PIK3CG: variants seen among roughly 807,000 people sequenced by gnomAD.
PIK3CG encodes phosphatidylinositol-4,5-bisphosphate 3-kinase catalytic subunit gamma, also known as phosphatidylinositol 4,5-bisphosphate 3-kinase catalytic subunit gamma isoform.
Under a neutral mutation model 102.3 loss-of-function variants are expected in PIK3CG, and 55 were observed. The observed-to-expected ratio is 0.54, with a 90% CI of 0.43 to 0.67. PIK3CG has a LOEUF of 0.67. Ranked by LOEUF, PIK3CG falls within the 30% of genes least tolerant of loss-of-function variation. The pLI, the probability that PIK3CG is intolerant of heterozygous loss-of-function variation, is 0.00. For synonymous variants in PIK3CG, 552 were observed against 540.0 expected (o/e 1.02, Z -0.31); for missense variants, 1,258 against 1,391.8 (o/e 0.90, Z 1.53).
chr7:106,899,138 G>A lies in PIK3CG; in HGVS notation c.3031-5971G>A, dbSNP rs546912260. Among the ~76,000 whole-genome samples, 7 of 152,200 alleles carry A rather than the reference G, an allele frequency of 4.6e-5. No individual in the cohort carries two copies. In the South Asian group the frequency reaches 1.5e-3, roughly 32 times the overall value. Reference sequence around the variant, plus strand: ...TTCTTTTTGTGGCAATTGTGAACGGGATTGCCTTTCTGATTTGGCTCTTGG... The same window carrying A: ...TTCTTTTTGTGGCAATTGTGAACGGAATTGCCTTTCTGATTTGGCTCTTGG... On this transcript the variant is annotated intron_variant, in intron 10 of 10. Transcript: ENST00000496166. The surrounding 1 kb of genome is among the most constrained non-coding windows in gnomAD (Gnocchi z 4.6).
At position 106,867,729 on chromosome 7, in the gene PIK3CG, G is replaced by T. The variant is rs766880450; in HGVS notation, c.168G>T (p.Thr56=). 6.2e-7 allele frequency: 1 copy of T among 1,613,094 alleles called. No homozygotes were observed. The highest frequency in any genetic ancestry group is 1.1e-5 in the South Asian group (1 of 91,058). Reference sequence around the variant, plus strand: ...AGCGCAAATGCAAGAGCCCCGAAACGGCGCTGCTGCACGTGGCCGGCCACG... The same window carrying T: ...AGCGCAAATGCAAGAGCCCCGAAACTGCGCTGCTGCACGTGGCCGGCCACG... The part of the protein sequence containing the change: ...TSQRKCKSPE[T]ALLHVAGHGN... The change falls in exon 2 of 11, where the codon ACG becomes ACT. Residue 56 remains threonine, a synonymous_variant. Coordinates refer to ENST00000496166, the MANE Select transcript of PIK3CG (RefSeq NM_001282426.2). This position sits in a 1 kb window ranked among gnomAD's most constrained non-coding sequence, Gnocchi z 5.1.
Position 106,907,838 on chromosome 7 carries a change from GTATATATAT to G in PIK3CG, c.*2452_*2460del, listed in dbSNP as rs1791730301. On this transcript the variant is annotated 3_prime_UTR_variant, in exon 11 of 11. Coordinates refer to ENST00000496166, the MANE Select transcript of PIK3CG (RefSeq NM_001282426.2). ...TATATATATATATGTATGTGTGTGT[GTATATATAT>G]ATATATATATCACAGTTGGGCTTGA... 7.4e-6 allele frequency among the ~76,000 whole-genome samples: 1 copy of G among 135,290 alleles called. No individual in the cohort carries two copies. The highest frequency in any genetic ancestry group is 1.6e-5 in the Non-Finnish European group (1 of 61,486). 88.8% of individuals were successfully genotyped at this position (135,290 alleles called of 152,430 possible).
At chr7:106,870,456 A>C (rs1741173988) in intron 2 of PIK3CG, among the ~76,000 whole-genome samples, 1 of 152,240 alleles carries the variant, frequency 6.6e-6, no homozygotes, top group Admixed American at 6.5e-5. Flanking sequence ...TTTAGAGCAC[A>C]GCCTTCATTC....
At position 106,884,505 on chromosome 7, in the gene PIK3CG, T is replaced by C. The variant is rs1791029267; in HGVS notation, c.2872+239T>C. Among the ~76,000 whole-genome samples, 1 of 152,160 alleles carries C rather than the reference T, an allele frequency of 6.6e-6. No homozygotes were observed. The highest frequency in any genetic ancestry group is 1.5e-5 in the Non-Finnish European group (1 of 68,022). On this transcript the variant is annotated intron_variant, in intron 9 of 10. Coordinates refer to ENST00000496166, the MANE Select transcript of PIK3CG (RefSeq NM_001282426.2). The surrounding 1 kb of genome is among the most constrained non-coding windows in gnomAD (Gnocchi z 4.2). ...TCCCTCCTTTCAGAACGGAGTAGTCTTTAAATGGAGTTTAAGACTGGAGCA... is the reference window on the plus strand; with the variant it reads ...TCCCTCCTTTCAGAACGGAGTAGTCCTTAAATGGAGTTTAAGACTGGAGCA...
At position 106,872,435 on chromosome 7, in the gene PIK3CG, G is replaced by A. The variant is rs1193514466; in HGVS notation, c.1996-102G>A. On this transcript the variant is annotated intron_variant, in intron 2 of 10. Coordinates refer to ENST00000496166, the MANE Select transcript of PIK3CG (RefSeq NM_001282426.2). This position sits in a 1 kb window ranked among gnomAD's most constrained non-coding sequence, Gnocchi z 5.3. Reference sequence around the variant, plus strand: ...TTAAGATTTTCATCTTTCTAGCCGTGAAGACCCAGTAAAGCAGAGCACCAG... The same window carrying A: ...TTAAGATTTTCATCTTTCTAGCCGTAAAGACCCAGTAAAGCAGAGCACCAG... The A allele has an allele frequency of 1.1e-6, 1 of 891,714 alleles. No homozygotes were observed. The highest frequency in any genetic ancestry group is 1.8e-6 in the Non-Finnish European group (1 of 543,530). 55.2% of individuals were successfully genotyped at this position (891,714 alleles called of 1,614,324 possible).
rs1193081174 is a variant in PIK3CG at position 106,869,669 on chromosome 7, C to T, written c.1995+113C>T. 1.4e-5 allele frequency: 12 copies of T among 854,908 alleles called. No individual in the cohort carries two copies. The highest frequency in any genetic ancestry group is 3.4e-5 in the African/African-American group (2 of 58,404). The allele number at this position is 854,908 out of a possible 1,614,324, so 53.0% of individuals were successfully genotyped here. The stretch of plus-strand genomic sequence containing the variant: ...TGCCCTTTGTTCAGAGCTTCATCAT[C>T]GGCAAAAGTAGATATGATGAAGCTG... On this transcript the variant is annotated intron_variant, in intron 2 of 10. Transcript: ENST00000496166. The surrounding 1 kb of genome is among the most constrained non-coding windows in gnomAD (Gnocchi z 5.3).
chr7:106,868,402 C>T lies in PIK3CG; in HGVS notation c.841C>T (p.Leu281=), dbSNP rs1022532039. 1 of 1,614,118 alleles carries T rather than the reference C, an allele frequency of 6.2e-7. No individual in the cohort carries two copies. Among genetic ancestry groups the T allele is most frequent in the African/African-American group, 1.3e-5 (1 of 74,948 alleles). ...VLRVCGRDEY[L]VGETPIKNFQ... is the part of the protein sequence containing the mutation. ...GCGCGTCTGTGGCCGGGATGAGTAC[C>T]TGGTGGGCGAAACGCCCATCAAAAA... is the stretch of plus-strand genomic sequence containing the variant. The change falls in exon 2 of 11, where the codon CTG becomes TTG. Residue 281 remains leucine, a synonymous_variant. Coordinates refer to ENST00000496166, the MANE Select transcript of PIK3CG (RefSeq NM_001282426.2). The surrounding 1 kb of genome is among the most constrained non-coding windows in gnomAD (Gnocchi z 6.2).
chr7:106,867,892 G>C lies in PIK3CG; in HGVS notation c.331G>C (p.Asp111His), dbSNP rs760070255. Residue 111 changes from aspartate (D) to histidine (H), a missense_variant, in exon 2 of 11, where the codon GAC becomes CAC. Coordinates refer to ENST00000496166, the MANE Select transcript of PIK3CG (RefSeq NM_001282426.2). This position sits in a 1 kb window ranked among gnomAD's most constrained non-coding sequence, Gnocchi z 5.1. ...QKKGQWYEIY[D>H]KYQVVQTLDC... The stretch of plus-strand genomic sequence containing the variant: ...GAAGGGGCAGTGGTACGAGATCTAC[G>C]ACAAGTACCAGGTGGTGCAGACTCT... 6.2e-7 allele frequency: 1 copy of C among 1,612,574 alleles called. No homozygotes were observed. Among genetic ancestry groups the C allele is most frequent in the African/African-American group, 1.3e-5 (1 of 74,708 alleles).
At chr7:106,888,780 T>G (rs1413303711) in intron 10 of PIK3CG, among the ~76,000 whole-genome samples, 1 of 152,138 alleles carries the variant, frequency 6.6e-6, no homozygotes, top group Non-Finnish European at 1.5e-5. Context: ...CATAACAAGG[T>G]GGTTGAAAGG....
chr7:106,887,356 C>T (rs568617503), intron 10 of PIK3CG, among the ~76,000 whole-genome samples: 1 of 152,312 alleles, frequency 6.6e-6, no homozygotes, highest in East Asian at 1.9e-4. Context: ...ACATCTTAAA[C>T]ATGATTTGCT....
intron 4 of PIK3CG, among the ~76,000 whole-genome samples, chr7:106,873,418 C>A (rs898775852): frequency 6.6e-5 from 10 of 152,156 alleles, no homozygotes; most frequent in Admixed American, 2.6e-4. Context: ...TCTGTAAATT[C>A]AACCAAGCAT....
intron 10 of PIK3CG, among the ~76,000 whole-genome samples, chr7:106,886,627 A>G (rs891503664): frequency 6.6e-6 from 1 of 152,150 alleles, no homozygotes; most frequent in African/African-American, 2.4e-5. Context: ...TAGCCACTAG[A>G]TATTTGTCTA....
Position 106,903,716 on chromosome 7 carries a change from T to TAAG in PIK3CG, c.3031-1392_3031-1390dup, listed in dbSNP as rs1199388769. Among the ~76,000 whole-genome samples, 1 of 150,956 alleles carries TAAG rather than the reference T, an allele frequency of 6.6e-6. No individual in the cohort carries two copies. The highest frequency in any genetic ancestry group is 1.5e-5 in the Non-Finnish European group (1 of 67,864). On this transcript the variant is annotated intron_variant, in intron 10 of 10. Transcript: ENST00000496166. This position sits in a 1 kb window ranked among gnomAD's most constrained non-coding sequence, Gnocchi z 4.3. Reference sequence around the variant, plus strand: ...AGACAATTAGGTCATTTGTAAATAATAAGTTTTCCTTCACTTTTCTGATTT... The same window carrying TAAG: ...AGACAATTAGGTCATTTGTAAATAATAAGAAGTTTTCCTTCACTTTTCTGATTT...
In PIK3CG at chr7:106,901,798, T is replaced by C. The variant is rs1217245066; in HGVS notation, c.3031-3311T>C. Reference sequence around the variant, plus strand: ...GGGTCTTTATTTGAAGCTGACTTCTTGTCCCTGGTTTCAGAGGGAGGTATG... The same window carrying C: ...GGGTCTTTATTTGAAGCTGACTTCTCGTCCCTGGTTTCAGAGGGAGGTATG... On this transcript the variant is annotated intron_variant, in intron 10 of 10. Transcript: ENST00000496166. 2.0e-5 allele frequency among the ~76,000 whole-genome samples: 3 copies of C among 152,200 alleles called. No individual in the cohort carries two copies. The East Asian group carries it at 5.8e-4, about 29-fold the overall frequency.
rs1311855264 is a variant in PIK3CG at position 106,883,501 on chromosome 7, A to G, written c.2760+338A>G. The stretch of plus-strand genomic sequence containing the variant: ...CAGCCAAGATATTTAGTTACCATGT[A>G]TAAACTCTTACGTACCTGGGAAATA... On this transcript the variant is annotated intron_variant, in intron 8 of 10. Coordinates refer to ENST00000496166, the MANE Select transcript of PIK3CG (RefSeq NM_001282426.2). This position sits in a 1 kb window ranked among gnomAD's most constrained non-coding sequence, Gnocchi z 5.8. 3.3e-5 allele frequency among the ~76,000 whole-genome samples: 5 copies of G among 152,232 alleles called. No individual in the cohort carries two copies. Among genetic ancestry groups the G allele is most frequent in the African/African-American group, 7.2e-5 (3 of 41,456 alleles).
rs542083249 is a variant in PIK3CG at position 106,868,420 on chromosome 7, A to C, written c.859A>C (p.Ile287Leu). Reference protein sequence around the residue: ...RDEYLVGETPIKNFQWVRHCL... With the variant: ...RDEYLVGETPLKNFQWVRHCL... ...TGAGTACCTGGTGGGCGAAACGCCC[A>C]TCAAAAACTTCCAGTGGGTGAGGCA... Residue 287 changes from isoleucine (I) to leucine (L), a missense_variant, in exon 2 of 11, where the codon ATC (isoleucine) becomes CTC (leucine). Physicochemically the swap from Ile to Leu is conservative, Grantham distance 5. This residue lies in a region of PIK3CG where 832 missense variants were observed against 787.5 expected (regional missense o/e 1.06). Coordinates refer to ENST00000496166, the MANE Select transcript of PIK3CG (RefSeq NM_001282426.2). This position sits in a 1 kb window ranked among gnomAD's most constrained non-coding sequence, Gnocchi z 6.2. 4 of 1,614,228 alleles carry C rather than the reference A, an allele frequency of 2.5e-6. No homozygotes were observed. The African/African-American group carries it at 5.3e-5, about 22-fold the overall frequency.
chr7:106,867,696 C>T lies in PIK3CG; in HGVS notation c.135C>T (p.Pro45=), dbSNP rs770781486. The T allele has an allele frequency of 5.0e-6, 8 of 1,613,142 alleles. No homozygotes were observed. The East Asian group carries it at 1.6e-4, about 31-fold the overall frequency. Residue 45 remains proline, a synonymous_variant, in exon 2 of 11, where the codon CCC becomes CCT. Transcript: ENST00000496166. This position sits in a 1 kb window ranked among gnomAD's most constrained non-coding sequence, Gnocchi z 5.1. ...MELIPIEFVL[P]TSQRKCKSPE... ...TCATCCCCATCGAGTTCGTGCTGCCCACCAGCCAGCGCAAATGCAAGAGCC... is the reference window on the plus strand; with the variant it reads ...TCATCCCCATCGAGTTCGTGCTGCCTACCAGCCAGCGCAAATGCAAGAGCC...
intron 10 of PIK3CG, among the ~76,000 whole-genome samples, chr7:106,887,418 T>C (rs545924336): frequency 1.3e-5 from 2 of 152,288 alleles, no homozygotes; most frequent in Non-Finnish European, 2.9e-5. Context: ...TCTTCTTGAG[T>C]CCAAGGTTAC....
At position 106,877,370 on chromosome 7, in the gene PIK3CG, G is replaced by A. The variant is rs1049875717; in HGVS notation, c.2392-2149G>A. On this transcript the variant is annotated intron_variant, in intron 5 of 10. Transcript: ENST00000496166. The surrounding 1 kb of genome is among the most constrained non-coding windows in gnomAD (Gnocchi z 4.5). ...GGGATGCTGCCAAATACCCTGCAGG[G>A]TACAGGATAGTCCCCCAGAACCAAC... 2.0e-5 allele frequency among the ~76,000 whole-genome samples: 3 copies of A among 152,280 alleles called. No homozygotes were observed. The highest frequency in any genetic ancestry group is 3.9e-4 in the East Asian group (2 of 5,192).
Sources: gnomAD v4.1 joint callset for allele counts (sites outside exome capture counted in the v4.1 genomes callset) on GRCh38, gnomAD v4.1.1 for gene constraint, gnomAD v4.1.1 regional missense constraint, Gnocchi (gnomAD v3.1) non-coding constraint, MANE v1.5 for transcripts, NCBI Gene and HGNC (gene_info 2026-07-23, HGNC 2026-07-21) for gene names.